Variants in PLD5 observed in about 807,000 individuals in gnomAD.
PLD5 encodes the protein phospholipase D family member 5, also known as inactive phospholipase D5.
A neutral mutation model predicts 61.1 loss-of-function variants in PLD5; 36 were observed. The ratio of observed to expected loss-of-function variants is 0.59; its 90% confidence interval spans 0.45 to 0.78. PLD5 has a LOEUF of 0.78. Ranked by LOEUF, PLD5 falls within the 30% of genes least tolerant of loss-of-function variation. The probability of loss-of-function intolerance (pLI) is 0.00; values close to 1 mark genes in which losing one functional copy is unlikely to be tolerated. For synonymous variants in PLD5, 243 were observed against 242.8 expected, an observed-to-expected ratio of 1.00 and a Z score of -0.01; for missense variants, 515 against 644.4, an observed-to-expected ratio of 0.80 and a Z score of 2.17.
intron 1 of PLD5, among the ~76,000 whole-genome samples, chr1:242,364,691 G>A (rs549218881): frequency 1.3e-5 from 2 of 152,144 alleles, no homozygotes; most frequent in East Asian, 1.9e-4. Flanking sequence ...ACTCCAGCCT[G>A]GTTGATAGAG....
chr1:242,321,631 C>T (rs1246769599), intron 2 of PLD5, among the ~76,000 whole-genome samples: 2 of 151,752 alleles, frequency 1.3e-5, no homozygotes, highest in African/African-American at 2.4e-5. Flanking sequence ...ATAGCTGCTA[C>T]CTTTGCCAGC....
chr1:242,090,242 G>T, intron 9 of PLD5, 132 bp from the exon 10 acceptor site: 1 of 1,189,556 alleles, frequency 8.4e-7, no homozygotes, highest in Non-Finnish European at 1.2e-6. Context: ...GCTGAATTGT[G>T]TTGACAGCTC....
intron 5 of PLD5, among the ~76,000 whole-genome samples, chr1:242,181,732 G>T (rs1440803237): frequency 1.3e-5 from 2 of 151,514 alleles, no homozygotes; most frequent in African/African-American, 4.9e-5. Context: ...GCGAGATCTC[G>T]GCTCACTGCA....
chr1:242,431,137 T>C (rs1248389651), intron 1 of PLD5, among the ~76,000 whole-genome samples: 3 of 152,208 alleles, frequency 2.0e-5, no homozygotes, highest in Admixed American at 6.5e-5. Context: ...ATTAAGAACA[T>C]TCACGCTGTT....
At chr1:242,212,472 C>T (rs1462075764) in intron 5 of PLD5, among the ~76,000 whole-genome samples, 1 of 152,200 alleles carries the variant, frequency 6.6e-6, no homozygotes, top group Admixed American at 6.5e-5. Flanking sequence ...GACCTGGAGC[C>T]AACAGATGCT....
chr1:242,434,949 G>A (rs1665918001), intron 1 of PLD5, among the ~76,000 whole-genome samples: 1 of 152,096 alleles, frequency 6.6e-6, no homozygotes, highest in African/African-American at 2.4e-5. Flanking sequence ...CATTTACCAT[G>A]GTGGTTTGCA....
chr1:242,283,628 T>C (rs902089573), intron 3 of PLD5, among the ~76,000 whole-genome samples: 2 of 152,224 alleles, frequency 1.3e-5, no homozygotes, highest in African/African-American at 4.8e-5. Context: ...AAGGATAGTG[T>C]TTGGCACCAG....
At chr1:242,243,375 G>T (rs1328002635) in intron 4 of PLD5, among the ~76,000 whole-genome samples, 1 of 152,128 alleles carries the variant, frequency 6.6e-6, no homozygotes, top group Non-Finnish European at 1.5e-5. Flanking sequence ...AATGAGGAGG[G>T]TTATAATTGC....
At chr1:242,168,494 C>T (rs1666485812) in intron 5 of PLD5, among the ~76,000 whole-genome samples, 1 of 152,126 alleles carries the variant, frequency 6.6e-6, no homozygotes, top group Non-Finnish European at 1.5e-5. Context: ...TATTAAACAG[C>T]ACAAATTTAA....
intron 1 of PLD5, among the ~76,000 whole-genome samples, chr1:242,386,280 G>A (rs1422331807): frequency 3.3e-5 from 5 of 152,090 alleles, no homozygotes; most frequent in African/African-American, 4.8e-5. Context: ...GACACAACTC[G>A]ACCCAAAATA....
intron 2 of PLD5, among the ~76,000 whole-genome samples, chr1:242,313,976 C>T (rs1676858931): frequency 6.6e-6 from 1 of 152,142 alleles, no homozygotes; most frequent in African/African-American, 2.4e-5. Context: ...CTGAGCCAGA[C>T]ATCAAAGGCG....
At chr1:242,202,906 G>C (rs972504452) in intron 5 of PLD5, among the ~76,000 whole-genome samples, 2 of 152,044 alleles carry the variant, frequency 1.3e-5, no homozygotes, top group African/African-American at 4.8e-5. Flanking sequence ...GGATGCAGGC[G>C]GGGATGCCAG....
At chr1:242,387,659 A>ATGATATATATCAAAAT (rs1662674899) in intron 1 of PLD5, among the ~76,000 whole-genome samples, 1 of 137,958 alleles carries the variant, frequency 7.2e-6, no homozygotes, top group African/African-American at 3.0e-5. Context: ...TATTTTATAT[A>ATGATATATATCAAAAT]AAATTTTATC....
intron 1 of PLD5, among the ~76,000 whole-genome samples, chr1:242,370,351 C>T (rs572052851): frequency 7.9e-4 from 120 of 152,190 alleles, no homozygotes; most frequent in Non-Finnish European, 1.6e-3. Flanking sequence ...GCTTATAATA[C>T]TGACAATTCA....
chr1:242,139,686 T>C (rs1469023361), intron 5 of PLD5, among the ~76,000 whole-genome samples: 1 of 152,194 alleles, frequency 6.6e-6, no homozygotes, highest in Non-Finnish European at 1.5e-5. Context: ...GTGGCATAAC[T>C]GGAAGTTCCT....
At chr1:242,424,118 A>G (rs965519749) in intron 1 of PLD5, among the ~76,000 whole-genome samples, 12 of 152,192 alleles carry the variant, frequency 7.9e-5, no homozygotes, top group African/African-American at 2.4e-4. Context: ...GAGAGTGAAG[A>G]TAAGTGTTTG....
chr1:242,106,528 C>T (rs1176381686), intron 8 of PLD5, among the ~76,000 whole-genome samples: 1 of 152,160 alleles, frequency 6.6e-6, no homozygotes, highest in Non-Finnish European at 1.5e-5. Context: ...GCCTCCCTGG[C>T]CATTAGGCAT....
chr1:242,500,864 C>T (rs1668532093), intron 1 of PLD5, among the ~76,000 whole-genome samples: 2 of 152,110 alleles, frequency 1.3e-5, no homozygotes, highest in Non-Finnish European at 2.9e-5. Context: ...TTAGGAATAA[C>T]TAAATGTCGG....
intron 1 of PLD5, among the ~76,000 whole-genome samples, chr1:242,420,309 A>G (rs1264893056): frequency 6.6e-6 from 1 of 152,144 alleles, no homozygotes; most frequent in African/African-American, 2.4e-5. Flanking sequence ...AGAACTCTAG[A>G]GCCCTCGCCC....
Sources: gnomAD v4.1 joint callset for allele counts (sites outside exome capture counted in the v4.1 genomes callset) on GRCh38, gnomAD v4.1.1 for gene constraint, MANE v1.5 for transcripts, NCBI Gene and HGNC (gene_info 2026-07-23, HGNC 2026-07-21) for gene names.